MRPS5: variants seen among roughly 807,000 people sequenced by gnomAD.
MRPS5 encodes the protein mitochondrial ribosomal protein S5.
MRPS5 carries 27 observed loss-of-function variants against 51.9 expected under a neutral mutation model. That is an observed-to-expected ratio of 0.52 (90% CI 0.38 to 0.72). The LOEUF (loss-of-function observed/expected upper bound fraction) is 0.72. Among genes scored for constraint, MRPS5 ranks in the 30% least tolerant of loss-of-function variants. The pLI is 0.00. For synonymous variants in MRPS5, 196 were observed against 193.2 expected, an observed-to-expected ratio of 1.01 and a Z score of -0.12; for missense variants, 570 against 545.7, an observed-to-expected ratio of 1.04 and a Z score of -0.44.
At chr2:95,100,954 CAA>C in intron 8 of MRPS5, 60 bp from the exon 9 acceptor site, 1 of 1,395,764 alleles carries the variant, frequency 7.2e-7, no homozygotes, top group Non-Finnish European at 9.9e-7. Flanking sequence ...TCAAGGATTC[CAA>C]AAACACTTTT....
chr2:95,095,401 C>A (rs927675716), intron 10 of MRPS5, among the ~76,000 whole-genome samples: 4 of 152,206 alleles, frequency 2.6e-5, no homozygotes, highest in African/African-American at 9.7e-5. Context: ...ACAGAACATA[C>A]ATTCTTCTCA....
Position 95,087,405 on chromosome 2 carries a change from C to G in MRPS5, c.1245G>C (p.Gln415His), listed in dbSNP as rs371291468. 6.2e-6 allele frequency: 10 copies of G among 1,614,076 alleles called. No homozygotes were observed. Among genetic ancestry groups the G allele is most frequent in the Middle Eastern group, 1.6e-4 (1 of 6,084 alleles). Residue 415 changes from glutamine (Q) to histidine (H), a missense_variant, in exon 12 of 12, where the codon CAG (glutamine) becomes CAC (histidine). Physicochemically the swap from Gln to His is conservative, Grantham distance 24 (BLOSUM62 0). Transcript: ENST00000272418. ...TAGACCACACAGAGCGCTTCATTCC[C>G]TGTGCAGTCTTCACATCTTCCCAGT... ...KLDWEDVKTA[Q>H]GMKRSVWSNL...
rs1230365513 is a variant in MRPS5 at position 95,108,219 on chromosome 2, C to T, written c.593G>A (p.Trp198Ter). The T allele has an allele frequency of 6.2e-7, 1 of 1,614,158 alleles. No individual in the cohort carries two copies. The highest frequency in any genetic ancestry group is 8.5e-7 in the Non-Finnish European group (1 of 1,180,034). Residue 198 changes from tryptophan (W) to a stop codon, truncating the protein, a stop_gained, in exon 5 of 12, where the codon TGG becomes TAG. Transcript: ENST00000272418. LOFTEE classifies it high-confidence loss of function. Reference sequence around the variant, plus strand: ...AGGGGGGCCAAGACTGATGCCTCCCCATGAGTTTCCACTCCATCCTCGCTC... The same window carrying T: ...AGGGGGGCCAAGACTGATGCCTCCCTATGAGTTTCCACTCCATCCTCGCTC... The part of the protein sequence containing the change: ...KRERGWSGNS[W>*]GGISLGPPDP...
At chr2:95,109,618 A>G (rs975087782) in intron 4 of MRPS5, among the ~76,000 whole-genome samples, 3 of 152,248 alleles carry the variant, frequency 2.0e-5, no homozygotes, top group African/African-American at 7.2e-5. Flanking sequence ...AATATTCGCC[A>G]ACTCTCCATT....
chr2:95,109,185 T>A (rs1015857256), intron 4 of MRPS5, among the ~76,000 whole-genome samples: 6 of 150,604 alleles, frequency 4.0e-5, no homozygotes, highest in African/African-American at 9.8e-5. Context: ...TCTTATAATT[T>A]AAAAAAAAAG....
In MRPS5 at chr2:95,087,572, G is replaced by A. The variant is rs1558672861; in HGVS notation, c.1078C>T (p.Gln360Ter). 5 of 1,612,934 alleles carry A rather than the reference G, an allele frequency of 3.1e-6. No homozygotes were observed. Among genetic ancestry groups the A allele is most frequent in the Non-Finnish European group, 4.2e-6 (5 of 1,179,454 alleles). The part of the protein sequence containing the change: ...FRGLSRQETH[Q>*]QLADKKGLHV... ...AGGCCCTTCTTATCAGCCAGCTGTT[G>A]ATGGGTTTCCTAAGCAAGACCAAAT... The change falls in exon 12 of 12, where the codon CAA (glutamine) becomes TAA (stop). Residue 360 changes from glutamine to a stop codon, truncating the protein, a stop_gained. Coordinates refer to ENST00000272418, the MANE Select transcript of MRPS5 (RefSeq NM_031902.5). LOFTEE classifies it high-confidence loss of function.
Position 95,087,324 on chromosome 2 carries a change from AGCACAGGAACTGGCT to A in MRPS5, c.*18_*32del, listed in dbSNP as rs1404397006. ...GCTGAGTCTCTCCTAGGTGCAGGGC[AGCACAGGAACTGGCT>A]GCACAAGGCCAGAGAGGTTACGTGG... On this transcript the variant is annotated 3_prime_UTR_variant, in exon 12 of 12. Coordinates refer to ENST00000272418, the MANE Select transcript of MRPS5 (RefSeq NM_031902.5). 2 of 1,571,566 alleles carry A rather than the reference AGCACAGGAACTGGCT, an allele frequency of 1.3e-6. No homozygotes were observed. Among genetic ancestry groups the A allele is most frequent in the African/African-American group, 2.7e-5 (2 of 74,054 alleles).
chr2:95,094,051 G>A (rs1429610123), intron 10 of MRPS5, among the ~76,000 whole-genome samples: 1 of 152,184 alleles, frequency 6.6e-6, no homozygotes, highest in African/African-American at 2.4e-5. Flanking sequence ...ATGACCTGAT[G>A]GAGCTGAAAA....
At position 95,086,926 on chromosome 2, in the gene MRPS5, T is replaced by G. The variant is rs1311688708; in HGVS notation, c.*431A>C. Among the ~76,000 whole-genome samples the G allele has an allele frequency of 6.6e-6, 1 of 152,214 alleles. No individual in the cohort carries two copies. Among genetic ancestry groups the G allele is most frequent in the African/African-American group, 2.4e-5 (1 of 41,450 alleles). ...TAGCCTACAACTTCCATTTCCACTGTGGAAAACGGTTTGGAAGTTCCTCAC... is the reference window on the plus strand; with the variant it reads ...TAGCCTACAACTTCCATTTCCACTGGGGAAAACGGTTTGGAAGTTCCTCAC... On this transcript the variant is annotated 3_prime_UTR_variant, in exon 12 of 12. Coordinates refer to ENST00000272418, the MANE Select transcript of MRPS5 (RefSeq NM_031902.5).
chr2:95,118,421 T>C (rs770791116), intron 1 of MRPS5, among the ~76,000 whole-genome samples: 7 of 152,278 alleles, frequency 4.6e-5, no homozygotes, highest in African/African-American at 7.2e-5. Context: ...GCCTGCCACA[T>C]GGCCCCAAGC....
At position 95,100,478 on chromosome 2, in the gene MRPS5, G is replaced by C; in HGVS notation, c.927C>G (p.Pro309=). ...KRTHIKMKKQ[P]KGYGLRCHRA... ...TGGTAAGAGTTTTAAAGTTACCTTT[G>C]GGTTGTTTCTTCATCTTGATATGCG... The change falls in exon 10 of 12, where the codon CCC becomes CCG. Residue 309 remains proline (P), a synonymous_variant. Coordinates refer to ENST00000272418, the MANE Select transcript of MRPS5 (RefSeq NM_031902.5). 6.3e-7 allele frequency: 1 copy of C among 1,599,860 alleles called. No homozygotes were observed. The highest frequency in any genetic ancestry group is 1.1e-5 in the South Asian group (1 of 90,590).
At chr2:95,114,480 C>T (rs577476079) in intron 3 of MRPS5, among the ~76,000 whole-genome samples, 1 of 152,130 alleles carries the variant, frequency 6.6e-6, no homozygotes, top group African/African-American at 2.4e-5. Context: ...ACTGTGTTTG[C>T]CAGGATGGTC....
In MRPS5 at chr2:95,121,777, C is replaced by G. The variant is rs755031376; in HGVS notation, c.15G>C (p.Val5=). 3 of 1,552,026 alleles carry G rather than the reference C, an allele frequency of 1.9e-6. No homozygotes were observed. The highest frequency in any genetic ancestry group is 3.7e-5 in the Admixed American group (2 of 54,142). Residue 5 remains valine, a synonymous_variant, in exon 1 of 12, where the codon GTG becomes GTC. Coordinates refer to ENST00000272418, the MANE Select transcript of MRPS5 (RefSeq NM_031902.5). MATA[V]RAVGCLPVLC... ...GCACGGGGAGGCAGCCCACAGCGCGCACCGCGGTCGCCATGCTGGAGTCCG... is the reference window on the plus strand; with the variant it reads ...GCACGGGGAGGCAGCCCACAGCGCGGACCGCGGTCGCCATGCTGGAGTCCG...
Position 95,115,216 on chromosome 2 carries a change from G to A in MRPS5, c.140-13C>T. ...GATGACAAATGGCCTGTAGGCAGAT[G>A]GGTTAAACTTTGAGTTAGATGTTTC... is the stretch of plus-strand genomic sequence containing the variant. On this transcript the variant is annotated splice_polypyrimidine_tract_variant and intron_variant, in intron 2 of 11. Coordinates refer to ENST00000272418, the MANE Select transcript of MRPS5 (RefSeq NM_031902.5). The A allele has an allele frequency of 1.3e-6, 2 of 1,570,094 alleles. No homozygotes were observed. Among genetic ancestry groups the A allele is most frequent in the South Asian group, 2.4e-5 (2 of 83,836 alleles).
chr2:95,113,691 T>C (rs1410873804), intron 3 of MRPS5, among the ~76,000 whole-genome samples: 1 of 152,146 alleles, frequency 6.6e-6, no homozygotes, highest in Non-Finnish European at 1.5e-5. Context: ...CTACCAAGTC[T>C]TTTCTGCGTT....
chr2:95,119,587 G>A (rs962408003), intron 1 of MRPS5, among the ~76,000 whole-genome samples: 2 of 151,422 alleles, frequency 1.3e-5, no homozygotes, highest in Admixed American at 6.6e-5. Context: ...ACTTCTACCT[G>A]GGCAATGGGA....
chr2:95,120,782 G>A (rs1373263003), intron 1 of MRPS5, among the ~76,000 whole-genome samples: 1 of 152,164 alleles, frequency 6.6e-6, no homozygotes, highest in Non-Finnish European at 1.5e-5. Context: ...TGAGGAAAAT[G>A]AAGGAAAGCT....
At position 95,087,380 on chromosome 2, in the gene MRPS5, T is replaced by TA. The variant is rs1675322978; in HGVS notation, c.1269dup (p.Asn424Ter). 6.2e-7 allele frequency: 1 copy of TA among 1,614,058 alleles called. No individual in the cohort carries two copies. The highest frequency in any genetic ancestry group is 1.1e-5 in the South Asian group (1 of 91,086). On this transcript the variant is annotated frameshift_variant, in exon 12 of 12. Transcript: ENST00000272418. LOFTEE classifies it high-confidence loss of function. Reference sequence around the variant, plus strand: ...GGTTACGTGGCGGCTCTCTTCAAATTAGACCACACAGAGCGCTTCATTCCC... The same window carrying TA: ...GGTTACGTGGCGGCTCTCTTCAAATTAAGACCACACAGAGCGCTTCATTCCC...
upstream of MRPS5, chr2:95,121,853 A>G: frequency 6.8e-7 from 1 of 1,476,954 alleles, no homozygotes; most frequent in South Asian, 1.3e-5. Flanking sequence ...GCCTACCGCG[A>G]CTGCTCCTCG....
Sources: gnomAD v4.1 joint callset for allele counts (sites outside exome capture counted in the v4.1 genomes callset) on GRCh38, gnomAD v4.1.1 for gene constraint, MANE v1.5 for transcripts, NCBI Gene and HGNC (gene_info 2026-07-23, HGNC 2026-07-21) for gene names.